Variants in ABCA13 observed in about 807,000 individuals in gnomAD.
The protein encoded by ABCA13 is ATP binding cassette subfamily A member 13, also known as ATP-binding cassette sub-family A member 13.
A neutral mutation model predicts 478.7 loss-of-function variants in ABCA13; 476 were observed. The observed-to-expected ratio is 0.99, with a 90% confidence interval of 0.92 to 1.07. The LOEUF (loss-of-function observed/expected upper bound fraction) is 1.07. Among genes scored for constraint, ABCA13 ranks in the 50% least tolerant of loss-of-function variants. The pLI is 0.00. For missense variants in ABCA13, 6,060 were observed against 5,910.6 expected (o/e 1.03, Z -0.83); for synonymous variants, 2,252 against 2,158.9 (o/e 1.04, Z -1.20).
intron 39 of ABCA13, among the ~76,000 whole-genome samples, chr7:48,407,098 T>C (rs756996077): frequency 6.6e-5 from 10 of 152,108 alleles, no homozygotes; most frequent in Admixed American, 1.3e-4. Flanking sequence ...TTGTGGTGTA[T>C]AGAGTGATGT....
At chr7:48,395,442 A>G (rs1816711101) in intron 38 of ABCA13, among the ~76,000 whole-genome samples, 2 of 152,218 alleles carry the variant, frequency 1.3e-5, no homozygotes, top group South Asian at 4.1e-4. Context: ...TTTTCAACAT[A>G]CAGTTGACTC....
chr7:48,594,897 G>T, intron 58 of ABCA13, 84 bp downstream of exon 58: 1 of 1,058,004 alleles, frequency 9.5e-7, no homozygotes, highest in East Asian at 2.4e-5. Context: ...CCTGCACAGT[G>T]TTACACATGG....
intron 20 of ABCA13, among the ~76,000 whole-genome samples, chr7:48,291,816 C>T (rs1007426008): frequency 6.6e-6 from 1 of 152,158 alleles, no homozygotes; most frequent in African/African-American, 2.4e-5. Flanking sequence ...CCTTCACATG[C>T]GGAATCTCAC....
intron 29 of ABCA13, among the ~76,000 whole-genome samples, chr7:48,349,237 T>C (rs1345994111): frequency 1.3e-5 from 2 of 152,232 alleles, no homozygotes. Flanking sequence ...CTTACACTCA[T>C]GTCTTGGCCT....
chr7:48,332,436 C>A (rs748760032), intron 27 of ABCA13, among the ~76,000 whole-genome samples: 1 of 152,210 alleles, frequency 6.6e-6, no homozygotes, highest in African/African-American at 2.4e-5. Flanking sequence ...GTATGGAAAT[C>A]CACTTCGACT....
At chr7:48,222,922 G>A (rs1210795931) in intron 5 of ABCA13, among the ~76,000 whole-genome samples, 2 of 152,114 alleles carry the variant, frequency 1.3e-5, no homozygotes, top group Admixed American at 1.3e-4. Flanking sequence ...AGCCCACGTA[G>A]GGAATCAGCT....
chr7:48,500,454 A>T (rs373897532), intron 48 of ABCA13, among the ~76,000 whole-genome samples: 42 of 152,132 alleles, frequency 2.8e-4, no homozygotes, highest in African/African-American at 8.9e-4. Context: ...GAAAATATCC[A>T]TTATTTATTT....
intron 5 of ABCA13, among the ~76,000 whole-genome samples, chr7:48,223,529 G>A (rs141006957): frequency 9.3e-4 from 142 of 152,224 alleles, no homozygotes; most frequent in Middle Eastern, 6.8e-3. Flanking sequence ...TCTCAAGTGT[G>A]GCTGATTGAT....
At chr7:48,172,272 C>T (rs1374062959) in intron 1 of ABCA13, among the ~76,000 whole-genome samples, 2 of 152,154 alleles carry the variant, frequency 1.3e-5, no homozygotes, top group Admixed American at 1.3e-4. Context: ...CAGTAATTTA[C>T]CTGCATCGTT....
At chr7:48,397,026 T>C (rs1585147276) in intron 38 of ABCA13, among the ~76,000 whole-genome samples, 1 of 152,172 alleles carries the variant, frequency 6.6e-6, no homozygotes, top group Non-Finnish European at 1.5e-5. Context: ...ATAGTGTCTG[T>C]TTTTGTGTCC....
rs1016872440 is a variant in ABCA13 at position 48,335,409 on chromosome 7, C to A, written c.10000-13C>A. 1 of 1,559,872 alleles carries A rather than the reference C, an allele frequency of 6.4e-7. No homozygotes were observed. Among genetic ancestry groups the A allele is most frequent in the Non-Finnish European group, 8.8e-7 (1 of 1,136,952 alleles). ...TGAATAAGAGACATATCCAAATATG[C>A]TTCATTTTGCAGGCTAATTACACCT... is the stretch of plus-strand genomic sequence containing the variant. On this transcript the variant is annotated splice_polypyrimidine_tract_variant and intron_variant, in intron 27 of 61. Coordinates refer to ENST00000435803, the MANE Select transcript of ABCA13 (RefSeq NM_152701.5).
At chr7:48,457,818 A>G (rs1416697853) in intron 43 of ABCA13, among the ~76,000 whole-genome samples, 1 of 152,138 alleles carries the variant, frequency 6.6e-6, no homozygotes, top group Non-Finnish European at 1.5e-5. Context: ...ACAAGCTTAC[A>G]TTTTCTCAGT....
intron 27 of ABCA13, among the ~76,000 whole-genome samples, chr7:48,321,486 C>G (rs1803452939): frequency 6.6e-6 from 1 of 152,104 alleles, no homozygotes. Flanking sequence ...TTGGCCCTAC[C>G]CATGTGTCTT....
chr7:48,342,181 A>G (rs983512786), intron 29 of ABCA13, among the ~76,000 whole-genome samples: 18 of 152,000 alleles, frequency 1.2e-4, no homozygotes, highest in African/African-American at 4.1e-4. Flanking sequence ...CACAGTGGTA[A>G]GATAATGTAC....
intron 8 of ABCA13, 51 bp downstream of exon 8, chr7:48,234,202 G>A: frequency 6.2e-7 from 1 of 1,612,654 alleles, no homozygotes; most frequent in South Asian, 1.1e-5. Flanking sequence ...CTGGAGACTG[G>A]ATCTAGAGCA....
intron 20 of ABCA13, among the ~76,000 whole-genome samples, chr7:48,293,861 G>T (rs1021561794): frequency 6.6e-6 from 1 of 152,134 alleles, no homozygotes; most frequent in Non-Finnish European, 1.5e-5. Context: ...GGAGAGTGGG[G>T]ACCTACTTCT....
rs1029958221 is a variant in ABCA13, at chr7:48,405,827, T to G, written c.12070+1948T>G. The stretch of plus-strand genomic sequence containing the variant: ...CTGTTGTTACAAACCAAATATTTTC[T>G]CACTGTCCTTCGTTGTTTAGCAATT... On this transcript the variant is annotated intron_variant, in intron 39 of 61. Coordinates refer to ENST00000435803, the MANE Select transcript of ABCA13 (RefSeq NM_152701.5). 6.5e-4 allele frequency among the ~76,000 whole-genome samples: 98 copies of G among 150,834 alleles called. 1 individual carries two copies. In the Admixed American group the frequency reaches 6.5e-3, roughly 10 times the overall value.
intron 59 of ABCA13, among the ~76,000 whole-genome samples, chr7:48,618,624 G>T (rs940022672): frequency 1.3e-5 from 2 of 152,164 alleles, no homozygotes. Flanking sequence ...GGATTTTATT[G>T]TGATTTCTAT....
At chr7:48,229,267 A>G (rs578237359) in intron 6 of ABCA13, among the ~76,000 whole-genome samples, 72 of 152,246 alleles carry the variant, frequency 4.7e-4, no homozygotes, top group African/African-American at 1.7e-3. Context: ...TAATATGTAT[A>G]TGTAGATTCT....
Sources: gnomAD v4.1 joint callset for allele counts (sites outside exome capture counted in the v4.1 genomes callset) on GRCh38, gnomAD v4.1.1 for gene constraint, MANE v1.5 for transcripts, NCBI Gene and HGNC (gene_info 2026-07-23, HGNC 2026-07-21) for gene names.